The following ERBB4 variants were observed in gnomAD, a reference collection of about 807,000 sequenced individuals.
The protein encoded by ERBB4 is receptor tyrosine-protein kinase erbB-4.
A neutral mutation model predicts 158.0 loss-of-function variants in ERBB4; 42 were observed. The observed-to-expected ratio is 0.27, with a 90% CI of 0.21 to 0.34. The LOEUF is 0.34. Among genes scored for constraint, ERBB4 ranks in the 10% least tolerant of loss-of-function variants. The pLI, the probability that ERBB4 is intolerant of heterozygous loss-of-function variation, is 1.00. For synonymous variants in ERBB4, 583 were observed against 558.7 expected (o/e 1.04, Z -0.61); for missense variants, 1,333 against 1,624.1 (o/e 0.82, Z 3.08).
intron 2 of ERBB4, among the ~76,000 whole-genome samples, chr2:211,987,269 C>T (rs896017679): frequency 7.3e-6 from 1 of 137,894 alleles, no homozygotes; most frequent in African/African-American, 2.8e-5. Flanking sequence ...TGCAGTGAGC[C>T]GAGATCGTGC....
At chr2:212,243,623 C>A (rs957424510) in intron 1 of ERBB4, among the ~76,000 whole-genome samples, 1 of 151,690 alleles carries the variant, frequency 6.6e-6, no homozygotes, top group African/African-American at 2.4e-5. Flanking sequence ...TAAGAGATAC[C>A]CAAAATGTTA....
At chr2:211,716,804 C>G (rs1049764379) in intron 7 of ERBB4, among the ~76,000 whole-genome samples, 2 of 152,084 alleles carry the variant, frequency 1.3e-5, no homozygotes, top group Non-Finnish European at 2.9e-5. Context: ...CCAGGCCCAT[C>G]AGAGATTTAA....
At chr2:211,874,122 A>T (rs958741436) in intron 3 of ERBB4, among the ~76,000 whole-genome samples, 1 of 152,148 alleles carries the variant, frequency 6.6e-6, no homozygotes, top group Admixed American at 6.6e-5. Flanking sequence ...CCATGATCAC[A>T]TCACTGCATT....
At chr2:212,086,495 T>A (rs1222258637) in intron 2 of ERBB4, among the ~76,000 whole-genome samples, 2 of 152,154 alleles carry the variant, frequency 1.3e-5, no homozygotes, top group Admixed American at 1.3e-4. Context: ...ATTTTTTATA[T>A]CAATATCATG....
At chr2:212,074,862 A>C (rs1309849944) in intron 2 of ERBB4, among the ~76,000 whole-genome samples, 1 of 152,004 alleles carries the variant, frequency 6.6e-6, no homozygotes, top group Non-Finnish European at 1.5e-5. Flanking sequence ...CCATCTGCCC[A>C]GTGCCTTAGT....
chr2:211,712,101 T>A lies in ERBB4; in HGVS notation c.1073A>T (p.Asn358Ile). ...CAAATTCCCATTGATCTTGGTACAG[T>A]TTATGAATTTGTCAATGTTACTGGA... ...VDSSNIDKFINCTKINGNLIF... is the reference protein window; with the variant it reads ...VDSSNIDKFIICTKINGNLIF... The change falls in exon 9 of 28, where the codon AAC becomes ATC. Residue 358 changes from asparagine (N) to isoleucine (I), a missense_variant. Physicochemically the swap from Asn to Ile is moderately radical, Grantham distance 149. Coordinates refer to ENST00000342788, the MANE Select transcript of ERBB4 (RefSeq NM_005235.3). 6.2e-7 allele frequency: 1 copy of A among 1,612,032 alleles called. No homozygotes were observed. Among genetic ancestry groups the A allele is most frequent in the Non-Finnish European group, 8.5e-7 (1 of 1,178,124 alleles).
At chr2:212,316,757 C>A (rs1024589828) in intron 1 of ERBB4, among the ~76,000 whole-genome samples, 1 of 151,542 alleles carries the variant, frequency 6.6e-6, no homozygotes, top group East Asian at 2.0e-4. Flanking sequence ...AAAACACTTG[C>A]TTGTGATGGT....
intron 3 of ERBB4, among the ~76,000 whole-genome samples, chr2:211,894,968 C>G (rs2079062518): frequency 6.6e-6 from 1 of 151,946 alleles, no homozygotes; most frequent in Non-Finnish European, 1.5e-5. Context: ...TGTTGCTAAG[C>G]AAGTAAATCA....
intron 3 of ERBB4, among the ~76,000 whole-genome samples, chr2:211,890,422 G>A (rs1256636262): frequency 6.7e-6 from 1 of 150,022 alleles, no homozygotes; most frequent in Non-Finnish European, 1.5e-5. Flanking sequence ...ACATGGAAAG[G>A]AACAACTGGT....
intron 25 of ERBB4, among the ~76,000 whole-genome samples, chr2:211,397,409 C>T (rs1449936375): frequency 1.3e-5 from 2 of 152,120 alleles, no homozygotes; most frequent in Non-Finnish European, 2.9e-5. Flanking sequence ...AAAATTGTAA[C>T]ACTTTACTAA....
At chr2:211,850,846 A>C (rs1171308202) in intron 3 of ERBB4, among the ~76,000 whole-genome samples, 1 of 151,962 alleles carries the variant, frequency 6.6e-6, no homozygotes, top group East Asian at 1.9e-4. Flanking sequence ...TAGAACTGAA[A>C]GATAATCTAA....
At chr2:212,265,346 G>T (rs1268274653) in intron 1 of ERBB4, among the ~76,000 whole-genome samples, 2 of 152,076 alleles carry the variant, frequency 1.3e-5, no homozygotes, top group Non-Finnish European at 1.5e-5. Context: ...TCAAGAAGGT[G>T]AATTATTGTA....
intron 1 of ERBB4, among the ~76,000 whole-genome samples, chr2:212,262,699 G>A (rs1294733288): frequency 6.6e-6 from 1 of 152,008 alleles, no homozygotes; most frequent in African/African-American, 2.4e-5. Flanking sequence ...GCCATATAAG[G>A]GTATCTGTGA....
intron 4 of ERBB4, among the ~76,000 whole-genome samples, chr2:211,765,457 C>T (rs2075528284): frequency 6.6e-6 from 1 of 152,088 alleles, no homozygotes; most frequent in South Asian, 2.1e-4. Flanking sequence ...ATGTAATTTA[C>T]TATTGATAAG....
chr2:212,518,458 C>T (rs576999528), intron 1 of ERBB4, among the ~76,000 whole-genome samples: 25 of 152,062 alleles, frequency 1.6e-4, no homozygotes, highest in African/African-American at 6.0e-4. Flanking sequence ...CATTTAATAA[C>T]GTCAGGGTTA....
intron 20 of ERBB4, among the ~76,000 whole-genome samples, chr2:211,504,669 C>T (rs752660217): frequency 1.3e-5 from 2 of 151,986 alleles, no homozygotes; most frequent in African/African-American, 2.4e-5. Flanking sequence ...CAAGGAAGAC[C>T]AATGAGCTCC....
intron 19 of ERBB4, among the ~76,000 whole-genome samples, chr2:211,600,148 C>A (rs1325987393): frequency 1.3e-5 from 2 of 152,148 alleles, no homozygotes; most frequent in African/African-American, 2.4e-5. Flanking sequence ...CTTCACAAAA[C>A]CCAATAGGAA....
intron 2 of ERBB4, among the ~76,000 whole-genome samples, chr2:212,111,127 C>G (rs1377396650): frequency 6.6e-6 from 1 of 152,202 alleles, no homozygotes; most frequent in Non-Finnish European, 1.5e-5. Flanking sequence ...CTGTTACTGC[C>G]TGGACGACAC....
At chr2:211,661,537 T>A (rs115302720) in intron 15 of ERBB4, among the ~76,000 whole-genome samples, 2,555 of 152,312 alleles carry the variant, frequency 0.017, 76 homozygotes, top group African/African-American at 0.058. Flanking sequence ...TAATGACTTA[T>A]AAGTTCCTTG....
Sources: gnomAD v4.1 joint callset for allele counts (sites outside exome capture counted in the v4.1 genomes callset) on GRCh38, gnomAD v4.1.1 for gene constraint, MANE v1.5 for transcripts, NCBI Gene and HGNC (gene_info 2026-07-23, HGNC 2026-07-21) for gene names.